TFAP2B: variants seen among roughly 807,000 people sequenced by gnomAD.
TFAP2B encodes transcription factor AP-2 beta, also known as transcription factor AP-2-beta.
A neutral mutation model predicts 44.3 loss-of-function variants in TFAP2B; 9 were observed. That is an observed-to-expected ratio of 0.20 (90% CI 0.12 to 0.35). The LOEUF is 0.35. Among genes scored for constraint, TFAP2B ranks in the 10% least tolerant of loss-of-function variants. The pLI is 1.00. For synonymous variants in TFAP2B, 270 were observed against 263.8 expected, an observed-to-expected ratio of 1.02 and a Z score of -0.23; for missense variants, 509 against 600.0, an observed-to-expected ratio of 0.85 and a Z score of 1.59.
At chr6:50,833,716 T>C (rs1242778658) in intron 3 of TFAP2B, among the ~76,000 whole-genome samples, 1 of 152,022 alleles carries the variant, frequency 6.6e-6, no homozygotes, top group Non-Finnish European at 1.5e-5. Context: ...AATAGTGAAA[T>C]TACAGGGTGG....
intron 6 of TFAP2B, among the ~76,000 whole-genome samples, chr6:50,842,702 G>A (rs1055364139): frequency 5.9e-5 from 9 of 152,238 alleles, no homozygotes; most frequent in Non-Finnish European, 7.3e-5. Flanking sequence ...CAAGAGGTTG[G>A]AGAGGTGGGA....
chr6:50,841,222 G>A (rs1762721884), intron 6 of TFAP2B, among the ~76,000 whole-genome samples: 1 of 152,150 alleles, frequency 6.6e-6, no homozygotes, highest in Non-Finnish European at 1.5e-5. Context: ...CTAAGCATTT[G>A]TTCTCCCCAG....
intron 5 of TFAP2B, among the ~76,000 whole-genome samples, chr6:50,838,730 T>G (rs1762670380): frequency 6.6e-6 from 1 of 152,076 alleles, no homozygotes; most frequent in Admixed American, 6.5e-5. Flanking sequence ...TGCTCATCAG[T>G]TTGGGTTTGG....
At position 50,823,901 on chromosome 6, in the gene TFAP2B, A is replaced by G. The variant is rs770890863; in HGVS notation, c.540+36A>G. The G allele has an allele frequency of 7.6e-5, 116 of 1,532,678 alleles. 2 individuals are homozygous for G. The East Asian group carries it at 2.6e-3, about 35-fold the overall frequency. The allele number at this position is 1,532,678 out of a possible 1,614,324, so 94.9% of individuals were successfully genotyped here. On this transcript the variant is annotated intron_variant, in intron 2 of 6. Coordinates refer to ENST00000393655, the MANE Select transcript of TFAP2B (RefSeq NM_003221.4). ...ACAAACAAACAAACAAACAAAAAAG[A>G]CCACGAATAAGGAATGCTTCTGGAG...
At chr6:50,825,595 AG>A (rs1294544502) in intron 2 of TFAP2B, among the ~76,000 whole-genome samples, 2 of 152,234 alleles carry the variant, frequency 1.3e-5, no homozygotes, top group Non-Finnish European at 2.9e-5. Flanking sequence ...AGAGAAAAAC[AG>A]GGCCAGATCA....
Position 50,843,405 on chromosome 6 carries a change from A to G in TFAP2B, c.*13A>G. On this transcript the variant is annotated 3_prime_UTR_variant, in exon 7 of 7. Transcript: ENST00000393655. ...ACACAGGAAATGAAAAATTTTTAAAAAAAGAAGGAAAAATGTTTTAAATAC... is the reference window on the plus strand; with the variant it reads ...ACACAGGAAATGAAAAATTTTTAAAGAAAGAAGGAAAAATGTTTTAAATAC... The G allele has an allele frequency of 6.2e-7, 1 of 1,609,390 alleles. No individual in the cohort carries two copies. Among genetic ancestry groups the G allele is most frequent in the Non-Finnish European group, 8.5e-7 (1 of 1,178,184 alleles).
chr6:50,835,942 C>A, intron 3 of TFAP2B, 119 bp from the exon 4 acceptor site: 1 of 857,334 alleles, frequency 1.2e-6, no homozygotes, highest in Non-Finnish European at 2.0e-6. Context: ...ATAAACACTT[C>A]CTCCCTCAGC....
At chr6:50,838,268 C>T (rs990818057) in intron 5 of TFAP2B, among the ~76,000 whole-genome samples, 175 bp downstream of exon 5, 6 of 152,132 alleles carry the variant, frequency 3.9e-5, no homozygotes, top group African/African-American at 1.4e-4. Context: ...TTAGAGGAAG[C>T]CAGCAGTTGT....
At chr6:50,837,534 C>A (rs143505090) in intron 4 of TFAP2B, among the ~76,000 whole-genome samples, 1 of 152,166 alleles carries the variant, frequency 6.6e-6, no homozygotes, top group Non-Finnish European at 1.5e-5. Flanking sequence ...TTGACCCCTT[C>A]CTCACAAAGC....
intron 6 of TFAP2B, 57 bp from the exon 7 acceptor site, chr6:50,843,035 A>G: frequency 1.2e-6 from 2 of 1,610,554 alleles, no homozygotes; most frequent in Non-Finnish European, 1.7e-6. Flanking sequence ...CTCCTTTCTA[A>G]TGCCAATGAC....
chr6:50,830,783 C>T (rs560363932), intron 3 of TFAP2B, among the ~76,000 whole-genome samples: 3 of 152,306 alleles, frequency 2.0e-5, no homozygotes, highest in African/African-American at 4.8e-5. Flanking sequence ...TCATTAGCCC[C>T]TTCCCCTGCA....
At chr6:50,839,063 C>T (rs1762676053) in intron 5 of TFAP2B, among the ~76,000 whole-genome samples, 1 of 152,196 alleles carries the variant, frequency 6.6e-6, no homozygotes. Flanking sequence ...GAACACCCTC[C>T]AGAGGCAGGA....
At chr6:50,837,016 C>A (rs1254383482) in intron 4 of TFAP2B, among the ~76,000 whole-genome samples, 1 of 152,176 alleles carries the variant, frequency 6.6e-6, no homozygotes, top group Non-Finnish European at 1.5e-5. Flanking sequence ...CCCTTGAAGT[C>A]CCTGCCAATG....
In TFAP2B at chr6:50,843,578, C is replaced by A; in HGVS notation, c.*186C>A. Reference sequence around the variant, plus strand: ...AAAAAAACTGAGGCGTACAACGGAGCAACAATATCGGTTCTCAGTGTCTAT... The same window carrying A: ...AAAAAAACTGAGGCGTACAACGGAGAAACAATATCGGTTCTCAGTGTCTAT... On this transcript the variant is annotated 3_prime_UTR_variant, in exon 7 of 7. Transcript: ENST00000393655. 1.5e-6 allele frequency: 1 copy of A among 649,462 alleles called. No individual in the cohort carries two copies. Among genetic ancestry groups the A allele is most frequent in the Non-Finnish European group, 2.5e-6 (1 of 392,948 alleles). 40.2% of individuals were successfully genotyped at this position (649,462 alleles called of 1,614,324 possible).
Position 50,838,014 on chromosome 6 carries a change from G to A in TFAP2B, c.861G>A (p.Arg287=). The change falls in exon 5 of 7, where the codon AGG becomes AGA. Residue 287 remains arginine, a synonymous_variant. Coordinates refer to ENST00000393655, the MANE Select transcript of TFAP2B (RefSeq NM_003221.4). ...SKNGGRSLRE[R]LEKIGLNLPA... ...ATGGGGGGAGATCTTTGCGAGAAAG[G>A]CTAGAAAAAATCGGTTTGAATTTAC... 1.2e-6 allele frequency: 2 copies of A among 1,614,188 alleles called. No individual in the cohort carries two copies.
intron 5 of TFAP2B, among the ~76,000 whole-genome samples, chr6:50,839,392 ATC>A (rs765348625): frequency 1.3e-5 from 2 of 152,204 alleles, no homozygotes; most frequent in Non-Finnish European, 2.9e-5. Context: ...ATTTCAACAT[ATC>A]TGTTTTTCAT....
intron 6 of TFAP2B, among the ~76,000 whole-genome samples, chr6:50,842,500 G>T (rs1762752177): frequency 6.6e-6 from 1 of 152,210 alleles, no homozygotes; most frequent in Non-Finnish European, 1.5e-5. Context: ...AGAAAGGAGG[G>T]AAAGGCAGAA....
intron 1 of TFAP2B, 145 bp from the exon 2 acceptor site, chr6:50,823,262 G>T: frequency 1.3e-6 from 1 of 771,210 alleles, no homozygotes; most frequent in South Asian, 1.5e-5. Context: ...CCCTTGTCCC[G>T]GGAAGAGCGT....
chr6:50,820,396 C>A (rs963620222), intron 1 of TFAP2B, among the ~76,000 whole-genome samples: 4 of 152,226 alleles, frequency 2.6e-5, no homozygotes, highest in Admixed American at 2.0e-4. Context: ...CTCCTGCCCC[C>A]CCCCGAATCC....
Sources: allele counts gnomAD v4.1 joint callset (sites outside exome capture counted in the v4.1 genomes callset), GRCh38; gene constraint gnomAD v4.1.1; transcripts MANE v1.5; gene names NCBI Gene and HGNC (gene_info 2026-07-23, HGNC 2026-07-21).